Variants in COL4A4 observed in about 807,000 individuals in gnomAD.
COL4A4 encodes collagen type IV alpha 4 chain.
COL4A4 carries 105 observed loss-of-function variants against 192.9 expected under a neutral mutation model. That is an observed-to-expected ratio of 0.54 (90% CI 0.46 to 0.64). The LOEUF (loss-of-function observed/expected upper bound fraction) is 0.64. Ranked by LOEUF, COL4A4 falls within the 30% of genes least tolerant of loss-of-function variation. The pLI is 0.00. For missense variants in COL4A4, 1,967 were observed against 2,169.3 expected, an observed-to-expected ratio of 0.91 and a Z score of 1.85; for synonymous variants, 762 against 769.9, an observed-to-expected ratio of 0.99 and a Z score of 0.17.
At chr2:227,018,443 C>G (rs1339385964) in intron 44 of COL4A4, among the ~76,000 whole-genome samples, 1 of 152,192 alleles carries the variant, frequency 6.6e-6, no homozygotes, top group Non-Finnish European at 1.5e-5. Context: ...ATGAGCAATA[C>G]AGCCAGTGTG....
At chr2:227,122,064 T>C (rs1044060219) in intron 4 of COL4A4, among the ~76,000 whole-genome samples, 2 of 152,254 alleles carry the variant, frequency 1.3e-5, no homozygotes, top group Admixed American at 6.5e-5. Context: ...ATTAAATTTA[T>C]GTAATCCAAC....
chr2:227,017,672 C>T (rs762518843), intron 44 of COL4A4, among the ~76,000 whole-genome samples: 12 of 152,202 alleles, frequency 7.9e-5, no homozygotes, highest in Middle Eastern at 3.2e-3. Flanking sequence ...CGACCCACTT[C>T]GTGTGGCTGT....
the COL4A4 span, among the ~76,000 whole-genome samples, chr2:226,990,506 A>G: frequency 6.6e-6 from 1 of 152,222 alleles, no homozygotes; most frequent in African/African-American, 2.4e-5. Context: ...TCATCAGATC[A>G]TGGGCAGGAT....
chr2:227,129,817 C>T (rs771180936), intron 4 of COL4A4, among the ~76,000 whole-genome samples: 1 of 152,234 alleles, frequency 6.6e-6, no homozygotes, highest in Non-Finnish European at 1.5e-5. Flanking sequence ...TCATGGATTA[C>T]ATGATCAATT....
At chr2:227,008,991 G>A (rs1962856882) in intron 46 of COL4A4, among the ~76,000 whole-genome samples, 1 of 152,206 alleles carries the variant, frequency 6.6e-6, no homozygotes, top group Admixed American at 6.5e-5. Context: ...CAAGGTGGGA[G>A]AAGCAAGACG....
intron 21 of COL4A4, among the ~76,000 whole-genome samples, chr2:227,089,377 T>C (rs2059774249): frequency 6.6e-6 from 1 of 151,880 alleles, no homozygotes; most frequent in Non-Finnish European, 1.5e-5. Context: ...GTGTTGATGC[T>C]GTCACACCCA....
chr2:226,991,354 G>C, the COL4A4 span, among the ~76,000 whole-genome samples: 2 of 152,118 alleles, frequency 1.3e-5, no homozygotes, highest in East Asian at 3.9e-4. Context: ...GCTAATTTTT[G>C]TATTTTTAGT....
At chr2:226,994,801 G>A in the COL4A4 span, among the ~76,000 whole-genome samples, 5 of 152,074 alleles carry the variant, frequency 3.3e-5, no homozygotes, top group African/African-American at 1.2e-4. Context: ...CTGTGTTTTT[G>A]GTAAGTTTGC....
chr2:227,016,071 C>G (rs1559415955), intron 44 of COL4A4, among the ~76,000 whole-genome samples: 1 of 152,008 alleles, frequency 6.6e-6, no homozygotes, highest in Non-Finnish European at 1.5e-5. Flanking sequence ...ACCGCCCCAC[C>G]CCACCCCTCA....
intron 1 of COL4A4, among the ~76,000 whole-genome samples, chr2:227,159,342 GA>G (rs1328334355): frequency 6.6e-6 from 1 of 152,218 alleles, no homozygotes; most frequent in Non-Finnish European, 1.5e-5. Flanking sequence ...GGATAGCAAA[GA>G]GGCAGAAAGA....
Position 227,104,246 on chromosome 2 carries a change from AT to A in COL4A4, c.736-195del. On this transcript the variant is annotated intron_variant, in intron 12 of 47. Transcript: ENST00000396625. The stretch of plus-strand genomic sequence containing the variant: ...ATTTAATACACACTTATTGTTAAAA[AT>A]AAATTTAAAAAATGAAAATGATTCT... 30 of 606,982 alleles carry A rather than the reference AT, an allele frequency of 4.9e-5. 1 individual carries two copies. In the South Asian group the frequency reaches 5.4e-4, roughly 11 times the overall value. 37.6% of individuals were successfully genotyped at this position (606,982 alleles called of 1,614,324 possible). A position where few individuals can be genotyped will look rare whatever the true frequency, so the allele number is the denominator to read the frequency against.
intron 43 of COL4A4, among the ~76,000 whole-genome samples, chr2:227,025,161 A>G (rs972874214): frequency 6.6e-5 from 10 of 152,328 alleles, no homozygotes; most frequent in Admixed American, 2.6e-4. Flanking sequence ...ATTCACAGCA[A>G]TTTTCATTAG....
chr2:227,047,410 T>G, intron 35 of COL4A4, 65 bp downstream of exon 35: 1 of 1,127,224 alleles, frequency 8.9e-7, no homozygotes, highest in South Asian at 1.3e-5. Flanking sequence ...CAGCTAGAAG[T>G]AATTGTTCTG....
In COL4A4 at chr2:227,043,090, T is replaced by G. The variant is rs767945183; in HGVS notation, c.3384A>C (p.Pro1128=). 1.2e-6 allele frequency: 2 copies of G among 1,612,824 alleles called. No individual in the cohort carries two copies. Among genetic ancestry groups the G allele is most frequent in the Non-Finnish European group, 8.5e-7 (1 of 1,179,484 alleles). The change falls in exon 36 of 48, where the codon CCA becomes CCC. Residue 1128 remains proline, a synonymous_variant. Transcript: ENST00000396625. Reference sequence around the variant, plus strand: ...CTTTCAAGGTACCTGGGCACCCTGGTGGTCCAGAGGAGCCAGGTGGCCCTG... The same window carrying G: ...CTTTCAAGGTACCTGGGCACCCTGGGGGTCCAGAGGAGCCAGGTGGCCCTG... ...GRPGPPGSSG[P]PGCPGDHGMP...
In COL4A4 at chr2:227,007,551, A is replaced by T; in HGVS notation, c.4847T>A (p.Leu1616His). ...GAGDQGGGQA[L>H]MSPGSCLEDF... ...TTCCAGGCAGCTGCCAGGTGACATA[A>T]GGGCCTGCCCTCCTCCTTGGTCCCC... Residue 1616 changes from leucine (L) to histidine (H), a missense_variant, in exon 48 of 48, where the codon CTT (leucine) becomes CAT (histidine). Transcript: ENST00000396625. 6.2e-7 allele frequency: 1 copy of T among 1,612,994 alleles called. No individual in the cohort carries two copies. The highest frequency in any genetic ancestry group is 8.5e-7 in the Non-Finnish European group (1 of 1,180,028).
At chr2:227,067,530 A>T (rs1223320832) in intron 25 of COL4A4, among the ~76,000 whole-genome samples, 4 of 152,176 alleles carry the variant, frequency 2.6e-5, no homozygotes, top group Non-Finnish European at 5.9e-5. Context: ...TCAGACCACA[A>T]TGCAATCAAA....
At chr2:227,094,054 G>T (rs903818803) in intron 20 of COL4A4, 71 bp downstream of exon 20, 2 of 1,376,086 alleles carry the variant, frequency 1.5e-6, no homozygotes, top group Non-Finnish European at 2.0e-6. Flanking sequence ...TAAAAACTAT[G>T]CTTTCTTAGT....
chr2:227,032,892 C>T lies in COL4A4; in HGVS notation c.3577+518G>A, dbSNP rs182809658. On this transcript the variant is annotated intron_variant, in intron 38 of 47. Transcript: ENST00000396625. ...ATAAGCGGTTTTTCTGAGAAAGTAACGCAACAAATGTGCATTATACTAACA... is the reference window on the plus strand; with the variant it reads ...ATAAGCGGTTTTTCTGAGAAAGTAATGCAACAAATGTGCATTATACTAACA... Among the ~76,000 whole-genome samples, 316 of 152,276 alleles carry T rather than the reference C, an allele frequency of 2.1e-3. 2 individuals are homozygous for T. The highest frequency in any genetic ancestry group is 7.1e-3 in the African/African-American group (293 of 41,558).
intron 8 of COL4A4, among the ~76,000 whole-genome samples, chr2:227,112,851 A>G: frequency 6.6e-6 from 1 of 152,206 alleles, no homozygotes; most frequent in Non-Finnish European, 1.5e-5. Flanking sequence ...GCATAATATT[A>G]TATCTTCAAG....
Sources: allele counts gnomAD v4.1 joint callset (sites outside exome capture counted in the v4.1 genomes callset), GRCh38; gene constraint gnomAD v4.1.1; transcripts MANE v1.5; gene names NCBI Gene and HGNC (gene_info 2026-07-23, HGNC 2026-07-21).